The following NFATC2 variants were observed in gnomAD, a reference collection of about 807,000 sequenced individuals.
The protein encoded by NFATC2 is nuclear factor of activated T cells 2, also known as nuclear factor of activated T-cells, cytoplasmic 2.
A neutral mutation model predicts 87.3 loss-of-function variants in NFATC2; 22 were observed. The observed-to-expected ratio is 0.25, with a 90% CI of 0.18 to 0.36. The LOEUF is 0.36. NFATC2 is among the 10% of genes least tolerant of loss of function. NFATC2 has a pLI of 1.00. For synonymous variants in NFATC2, 565 were observed against 542.2 expected (o/e 1.04, Z -0.58); for missense variants, 1,149 against 1,259.1 (o/e 0.91, Z 1.32).
intron 5 of NFATC2, 48 bp downstream of exon 5, chr20:51,473,932 G>A (rs191494975): frequency 8.2e-6 from 13 of 1,588,702 alleles, no homozygotes; most frequent in East Asian, 4.5e-5. Flanking sequence ...GGAAGCCCAC[G>A]TGCCCTACGC....
intron 1 of NFATC2, among the ~76,000 whole-genome samples, chr20:51,530,972 GATT>G (rs1187985453): frequency 6.6e-6 from 1 of 152,206 alleles, no homozygotes; most frequent in African/African-American, 2.4e-5. Flanking sequence ...TTATGAAGAT[GATT>G]ATAATGCAGA....
chr20:51,410,241 G>C (rs929397073), intron 9 of NFATC2, among the ~76,000 whole-genome samples: 1 of 150,104 alleles, frequency 6.7e-6, no homozygotes, highest in South Asian at 2.1e-4. Context: ...GAAATATTAG[G>C]ACATTTATGA....
At chr20:51,481,121 C>A (rs935717826) in intron 3 of NFATC2, among the ~76,000 whole-genome samples, 2 of 152,212 alleles carry the variant, frequency 1.3e-5, no homozygotes, top group African/African-American at 4.8e-5. Flanking sequence ...TGCCCAGAAT[C>A]CCAACTGCTC....
At chr20:51,543,977 T>C (rs1317252923), upstream of NFATC2, among the ~76,000 whole-genome samples, 1 of 115,652 alleles carries the variant, frequency 8.6e-6, no homozygotes, top group African/African-American at 3.7e-5. Context: ...AATTCCTAAT[T>C]TTTTTTTTTT....
chr20:51,556,426 C>G (rs1010347823), intron 1 of NFATC2, among the ~76,000 whole-genome samples: 11 of 152,172 alleles, frequency 7.2e-5, no homozygotes, highest in Admixed American at 7.2e-4. Flanking sequence ...CCTTTGGTCC[C>G]TGGTCCTTGA....
At chr20:51,408,306 G>A (rs1169169886) in intron 9 of NFATC2, among the ~76,000 whole-genome samples, 1 of 152,112 alleles carries the variant, frequency 6.6e-6, no homozygotes, top group African/African-American at 2.4e-5. Flanking sequence ...TTGAGGTCAG[G>A]AGTTCGAGAC....
intron 2 of NFATC2, among the ~76,000 whole-genome samples, chr20:51,521,794 A>T (rs191571954): frequency 6.6e-6 from 1 of 152,354 alleles, no homozygotes; most frequent in Non-Finnish European, 1.5e-5. Flanking sequence ...TTGTCATTTC[A>T]TCAAAATGAA....
At chr20:51,505,657 C>A (rs1300719257) in intron 3 of NFATC2, among the ~76,000 whole-genome samples, 1 of 152,138 alleles carries the variant, frequency 6.6e-6, no homozygotes, top group Admixed American at 6.5e-5. Context: ...AATGCTTTTA[C>A]GTTCAGCTCT....
chr20:51,411,810 G>T (rs1224927759), intron 9 of NFATC2, among the ~76,000 whole-genome samples: 1 of 152,018 alleles, frequency 6.6e-6, no homozygotes, highest in African/African-American at 2.4e-5. Flanking sequence ...TTCCAGGTGT[G>T]AGCCACCGCG....
At chr20:51,540,647 G>GTTTTGTTTTTTTTTTTTTTTT (rs2076793173) in intron 1 of NFATC2, among the ~76,000 whole-genome samples, 1 of 112,974 alleles carries the variant, frequency 8.9e-6, no homozygotes, top group African/African-American at 4.4e-5. Flanking sequence ...AAAAACTGAA[G>GTTTTGTTTTTTTTTTTTTTTT]TTTTTTTTTT....
intron 1 of NFATC2, among the ~76,000 whole-genome samples, chr20:51,538,808 C>T (rs1391226871): frequency 1.3e-5 from 2 of 152,182 alleles, no homozygotes; most frequent in African/African-American, 4.8e-5. Context: ...GGTATTATTT[C>T]AGCCATTTTA....
chr20:51,496,436 G>A (rs1193904834), intron 3 of NFATC2, among the ~76,000 whole-genome samples: 2 of 132,160 alleles, frequency 1.5e-5, no homozygotes, highest in East Asian at 2.2e-4. Context: ...ACCACCCCCC[G>A]CCCCCCACTC....
chr20:51,517,679 GGCTGA>G (rs2076375570), intron 2 of NFATC2, among the ~76,000 whole-genome samples: 1 of 152,024 alleles, frequency 6.6e-6, no homozygotes, highest in East Asian at 1.9e-4. Context: ...CACTATGGGA[GGCTGA>G]GGTGGGCAGA....
intron 3 of NFATC2, among the ~76,000 whole-genome samples, chr20:51,489,285 C>T (rs2146575550): frequency 6.6e-6 from 1 of 152,316 alleles, no homozygotes; most frequent in Non-Finnish European, 1.5e-5. Context: ...TCCCTCCTTC[C>T]TTGGAATTCC....
intron 10 of NFATC2, among the ~76,000 whole-genome samples, chr20:51,397,822 A>G (rs1292089016): frequency 6.6e-6 from 1 of 152,182 alleles, no homozygotes; most frequent in Non-Finnish European, 1.5e-5. Flanking sequence ...TGGGCTGGGC[A>G]CTGTGTGTGC....
intron 6 of NFATC2, among the ~76,000 whole-genome samples, chr20:51,436,710 G>T (rs1207547645): frequency 8.1e-6 from 1 of 122,868 alleles, no homozygotes; most frequent in Non-Finnish European, 1.8e-5. Flanking sequence ...GTGAGACTTT[G>T]TCTCAAAACA....
chr20:51,558,883 C>A (rs2076999499), intron 1 of NFATC2, among the ~76,000 whole-genome samples: 1 of 152,192 alleles, frequency 6.6e-6, no homozygotes, highest in Non-Finnish European at 1.5e-5. Context: ...AGACCTCAAG[C>A]TGTTAACCTC....
chr20:51,466,142 T>A (rs1265257073), intron 5 of NFATC2, among the ~76,000 whole-genome samples: 1 of 152,070 alleles, frequency 6.6e-6, no homozygotes, highest in African/African-American at 2.4e-5. Context: ...AACCTCCGCC[T>A]CCCGGGTTCA....
At chr20:51,450,493 T>C (rs953999912) in intron 6 of NFATC2, among the ~76,000 whole-genome samples, 1 of 152,138 alleles carries the variant, frequency 6.6e-6, no homozygotes, top group African/African-American at 2.4e-5. Context: ...CTGGGCAACA[T>C]AGTGAGACCC....
Sources: allele counts gnomAD v4.1 joint callset (sites outside exome capture counted in the v4.1 genomes callset), GRCh38; gene constraint gnomAD v4.1.1; transcripts MANE v1.5; gene names NCBI Gene and HGNC (gene_info 2026-07-23, HGNC 2026-07-21).